The following PRIM2 variants were observed in gnomAD, a reference collection of about 807,000 sequenced individuals.
PRIM2 encodes the protein DNA primase large subunit.
Under a neutral mutation model 67.3 loss-of-function variants are expected in PRIM2, and 39 were observed. The ratio of observed to expected loss-of-function variants is 0.58; its 90% confidence interval spans 0.45 to 0.76. The LOEUF (loss-of-function observed/expected upper bound fraction) is 0.76, where lower values mean the gene tolerates loss of function less well. Ranked by LOEUF, PRIM2 falls within the 30% of genes least tolerant of loss-of-function variation. The pLI, the probability that PRIM2 is intolerant of heterozygous loss-of-function variation, is 0.00. For synonymous variants in PRIM2, 143 were observed against 198.7 expected (o/e 0.72, Z 2.36); for missense variants, 398 against 598.7 (o/e 0.66, Z 3.50).
At chr6:57,530,492 A>C (rs1774863595) in intron 8 of PRIM2, among the ~76,000 whole-genome samples, 1 of 152,264 alleles carries the variant, frequency 6.6e-6, no homozygotes, top group Non-Finnish European at 1.5e-5. Context: ...TGTCTTTGTG[A>C]ATCTGTGTTT....
chr6:57,297,401 T>C, the PRIM2 span, among the ~76,000 whole-genome samples: 1 of 152,084 alleles, frequency 6.6e-6, no homozygotes, highest in African/African-American at 2.4e-5. Flanking sequence ...GAGATCAAGA[T>C]TGTGTTACTG....
At chr6:57,376,254 T>C (rs1379126674) in intron 5 of PRIM2, among the ~76,000 whole-genome samples, 3 of 152,058 alleles carry the variant, frequency 2.0e-5, no homozygotes, top group Admixed American at 6.6e-5. Context: ...CCTCAAGCGA[T>C]CCAACCACCT....
the PRIM2 span, among the ~76,000 whole-genome samples, chr6:57,300,032 AC>A: frequency 6.6e-6 from 1 of 151,970 alleles, no homozygotes; most frequent in Non-Finnish European, 1.5e-5. Context: ...CTCCCATGGG[AC>A]CCCCCAACTT....
intron 8 of PRIM2, among the ~76,000 whole-genome samples, chr6:57,532,038 A>G (rs1774902341): frequency 6.6e-6 from 1 of 152,004 alleles, no homozygotes; most frequent in Non-Finnish European, 1.5e-5. Context: ...CTCACCTACT[A>G]CTTTTAAGTG....
At chr6:57,392,056 T>C (rs895345043) in intron 7 of PRIM2, among the ~76,000 whole-genome samples, 2 of 152,160 alleles carry the variant, frequency 1.3e-5, no homozygotes, top group African/African-American at 2.4e-5. Flanking sequence ...CTTTGAGCAG[T>C]ATTTTGTAAT....
At chr6:57,282,397 G>A in the PRIM2 span, among the ~76,000 whole-genome samples, 1 of 151,900 alleles carries the variant, frequency 6.6e-6, no homozygotes, top group South Asian at 2.1e-4. Context: ...AATTCTGTTG[G>A]GTATCTCCAA....
intron 8 of PRIM2, among the ~76,000 whole-genome samples, chr6:57,518,782 G>A (rs1774542133): frequency 1.3e-5 from 2 of 152,264 alleles, no homozygotes; most frequent in South Asian, 2.1e-4. Flanking sequence ...TGGGACATAG[G>A]ACTCTTCTTT....
chr6:57,420,768 A>G (rs1562744090), intron 7 of PRIM2, among the ~76,000 whole-genome samples: 1 of 152,184 alleles, frequency 6.6e-6, no homozygotes, highest in African/African-American at 2.4e-5. Flanking sequence ...GAAAATAACT[A>G]TGTTGATAGT....
intron 7 of PRIM2, among the ~76,000 whole-genome samples, chr6:57,474,133 T>C (rs1207909084): frequency 2.0e-5 from 3 of 149,708 alleles, no homozygotes; most frequent in South Asian, 2.1e-4. Context: ...ATTTGAAAAA[T>C]GTTTGTGTTT....
intron 12 of PRIM2, among the ~76,000 whole-genome samples, chr6:57,611,663 T>G (rs1156583157): frequency 1.3e-5 from 2 of 152,096 alleles, no homozygotes; most frequent in African/African-American, 4.8e-5. Flanking sequence ...TAGAACTAAG[T>G]AACTGTAAAA....
At chr6:57,552,572 A>G (rs1775425636) in intron 10 of PRIM2, among the ~76,000 whole-genome samples, 2 of 152,232 alleles carry the variant, frequency 1.3e-5, no homozygotes, top group African/African-American at 4.8e-5. Flanking sequence ...AGGGAAATGA[A>G]TGATGTCTAC....
At chr6:57,272,167 A>C in the PRIM2 span, among the ~76,000 whole-genome samples, 2 of 152,108 alleles carry the variant, frequency 1.3e-5, no homozygotes, top group Non-Finnish European at 2.9e-5. Flanking sequence ...AGTTGAGTTC[A>C]ATTCCTGGGT....
At chr6:57,295,342 T>TTA in the PRIM2 span, among the ~76,000 whole-genome samples, 2 of 150,824 alleles carry the variant, frequency 1.3e-5, no homozygotes, top group African/African-American at 4.9e-5. Flanking sequence ...GAATTGAATT[T>TTA]TATAAAAAAA....
intron 5 of PRIM2, among the ~76,000 whole-genome samples, chr6:57,340,021 C>T (rs1233483317): frequency 6.6e-6 from 1 of 151,324 alleles, no homozygotes; most frequent in African/African-American, 2.4e-5. Context: ...GAAAAAAAAA[C>T]AACCCCATCA....
chr6:57,304,921 G>T, the PRIM2 span, among the ~76,000 whole-genome samples: 1 of 152,182 alleles, frequency 6.6e-6, no homozygotes, highest in South Asian at 2.1e-4. Flanking sequence ...ATTATATGTT[G>T]TTGCTCAAAG....
intron 7 of PRIM2, chr6:57,382,571 A>C (rs1479583729): frequency 1.3e-5 from 2 of 155,230 alleles, no homozygotes; most frequent in Non-Finnish European, 2.9e-5. Context: ...ATATAGAAGA[A>C]AATCTTAAGT....
rs1328381217 is a variant in PRIM2 at position 57,330,358 on chromosome 6, T to TG, written c.459+4313_459+4314insG. ...AACCTTGCTGAACTTGTTTTTTTTTTTTGTTTTTGTTTTTTTGTTTTTTTG... is the reference window on the plus strand; with the variant it reads ...AACCTTGCTGAACTTGTTTTTTTTTTGTTGTTTTTGTTTTTTTGTTTTTTTG... On this transcript the variant is annotated intron_variant, in intron 5 of 13. Transcript: ENST00000615550. Among the ~76,000 whole-genome samples the TG allele has an allele frequency of 1.2e-4, 15 of 121,830 alleles. 1 individual carries two copies. Among genetic ancestry groups the TG allele is most frequent in the African/African-American group, 2.4e-4 (7 of 28,836 alleles). 79.9% of individuals were successfully genotyped at this position (121,830 alleles called of 152,430 possible). A position where few individuals can be genotyped will look rare whatever the true frequency, so the allele number is the denominator to read the frequency against.
rs117521246 is a variant in PRIM2, at chr6:57,412,474, G to A, written c.693+30306G>A. Among the ~76,000 whole-genome samples, 191 of 151,976 alleles carry A rather than the reference G, an allele frequency of 1.3e-3. 5 individuals carry two copies. In the East Asian group the frequency reaches 0.016, roughly 13 times the overall value. ...GGTAGATTTATAAATTAAATTATTG[G>A]GTCAGAGGGTCGAAATGTCTTGAAG... is the stretch of plus-strand genomic sequence containing the variant. On this transcript the variant is annotated intron_variant, in intron 7 of 13. Coordinates refer to ENST00000615550, the MANE Select transcript of PRIM2 (RefSeq NM_000947.5).
intron 10 of PRIM2, among the ~76,000 whole-genome samples, chr6:57,557,561 AAAT>A (rs1277037682): frequency 6.6e-6 from 1 of 152,094 alleles, no homozygotes; most frequent in African/African-American, 2.4e-5. Context: ...AGTGGGAGTT[AAAT>A]GATGAGAACT....
Sources: gnomAD v4.1 joint callset for allele counts (sites outside exome capture counted in the v4.1 genomes callset) on GRCh38, gnomAD v4.1.1 for gene constraint, MANE v1.5 for transcripts, NCBI Gene and HGNC (gene_info 2026-07-23, HGNC 2026-07-21) for gene names.